KLF8: variants seen among roughly 807,000 people sequenced by gnomAD.
KLF8 encodes the protein Krueppel-like factor 8.
In KLF8, 10 loss-of-function variants were observed where a neutral mutation model predicts 18.2. The observed-to-expected ratio is 0.55, with a 90% CI of 0.34 to 0.93. The LOEUF (loss-of-function observed/expected upper bound fraction) is 0.93, where lower values mean the gene tolerates loss of function less well. Among genes scored for constraint, KLF8 ranks in the 40% least tolerant of loss-of-function variants. KLF8 has a pLI of 0.02. For missense variants in KLF8, 264 were observed against 277.9 expected, an observed-to-expected ratio of 0.95 and a Z score of 0.36; for synonymous variants, 109 against 97.3, an observed-to-expected ratio of 1.12 and a Z score of -0.71.
chrX:56,207,086 T>A, the KLF8 span, among the ~76,000 whole-genome samples: 2 of 112,345 alleles, frequency 1.8e-5, no homozygotes, highest in Non-Finnish European at 3.8e-5. Flanking sequence ...ACACAATGCA[T>A]CAAGTCCCGA....
At chrX:56,037,702 G>T in the KLF8 span, among the ~76,000 whole-genome samples, 1 of 109,134 alleles carries the variant, frequency 9.2e-6, no homozygotes, top group Non-Finnish European at 1.9e-5. Flanking sequence ...CATAGTAGGT[G>T]TATATATTTA....
chrX:56,186,104 C>T, the KLF8 span, among the ~76,000 whole-genome samples: 1 of 111,990 alleles, frequency 8.9e-6, no homozygotes, highest in African/African-American at 3.3e-5. Flanking sequence ...AGTCAAGACC[C>T]ATCAGTATGC....
chrX:56,190,054 A>C, the KLF8 span, among the ~76,000 whole-genome samples: 1 of 110,676 alleles, frequency 9.0e-6, no homozygotes, highest in African/African-American at 3.3e-5. Flanking sequence ...AAAATAAAAA[A>C]TCTGGACCTA....
the KLF8 span, among the ~76,000 whole-genome samples, chrX:56,078,358 C>T: frequency 2.7e-5 from 3 of 112,019 alleles, no homozygotes; most frequent in East Asian, 5.6e-4. Context: ...TGAAGTGCTG[C>T]TGAATTTTGT....
chrX:56,141,285 A>G, the KLF8 span, among the ~76,000 whole-genome samples: 2 of 111,864 alleles, frequency 1.8e-5, no homozygotes, highest in African/African-American at 6.5e-5. Context: ...CTAACAGTTA[A>G]TTAAAGTTAA....
chrX:55,969,228 TA>T, the KLF8 span, among the ~76,000 whole-genome samples: 1 of 112,019 alleles, frequency 8.9e-6, no homozygotes, highest in African/African-American at 3.2e-5. Context: ...TTAAAACATT[TA>T]AAAATTGAGA....
At chrX:56,022,489 C>T in the KLF8 span, among the ~76,000 whole-genome samples, 8 of 93,919 alleles carry the variant, frequency 8.5e-5, no homozygotes, top group East Asian at 3.5e-4. Flanking sequence ...GCAGAGCTTG[C>T]GGTGAGCCGA....
the KLF8 span, among the ~76,000 whole-genome samples, chrX:55,946,106 T>G: frequency 2.7e-5 from 3 of 111,602 alleles, no homozygotes; most frequent in African/African-American, 6.5e-5. Flanking sequence ...AGCTACCAAT[T>G]ACTTTCTTTA....
At chrX:56,032,065 G>A in the KLF8 span, among the ~76,000 whole-genome samples, 1 of 111,085 alleles carries the variant, frequency 9.0e-6, no homozygotes, top group Admixed American at 9.5e-5. Context: ...GTTAGGTCAC[G>A]AAGGCCCAGA....
the KLF8 span, among the ~76,000 whole-genome samples, chrX:55,984,301 C>T: frequency 6.3e-5 from 7 of 110,344 alleles, no homozygotes; most frequent in East Asian, 2.0e-3. Context: ...TAACAGGTCC[C>T]CACGTTTCCG....
the KLF8 span, among the ~76,000 whole-genome samples, chrX:56,146,729 G>A: frequency 1.8e-5 from 2 of 108,925 alleles, no homozygotes; most frequent in Non-Finnish European, 3.8e-5. Flanking sequence ...AAAAAAAGAA[G>A]AAGAAGAGAA....
chrX:56,033,878 A>C, the KLF8 span, among the ~76,000 whole-genome samples: 1 of 112,288 alleles, frequency 8.9e-6, no homozygotes, highest in Admixed American at 9.4e-5. Context: ...ATTTGTTTGA[A>C]TACCTTACAT....
chrX:56,111,359 G>T, the KLF8 span, among the ~76,000 whole-genome samples: 1 of 111,502 alleles, frequency 9.0e-6, no homozygotes. Context: ...TGGCCTTCTG[G>T]ATGTGTAGAT....
At position 56,233,265 on chromosome X, in the gene KLF8, A is replaced by G. The variant is rs1299377998; in HGVS notation, c.-70A>G. On this transcript the variant is annotated 5_prime_UTR_variant, in exon 1 of 6. Transcript: ENST00000468660. ...TGAGGGGAACAGCTCTCTTGCGATC[A>G]GCTCAGGAGTATGAGCCTCCCGGAG... 8.4e-7 allele frequency: 1 copy of G among 1,188,027 alleles called. No individual in the cohort carries two copies. The highest frequency in any genetic ancestry group is 3.0e-5 in the East Asian group (1 of 33,644).
At chrX:55,936,756 C>T in the KLF8 span, among the ~76,000 whole-genome samples, 6 of 111,554 alleles carry the variant, frequency 5.4e-5, no homozygotes, top group Admixed American at 9.5e-5. Flanking sequence ...GAGAGTCCTA[C>T]GCCCATGGAT....
chrX:56,149,707 T>C, the KLF8 span, among the ~76,000 whole-genome samples: 6 of 111,741 alleles, frequency 5.4e-5, no homozygotes, highest in African/African-American at 2.0e-4. Context: ...AATTGAGTTA[T>C]TTGCTAATGT....
At chrX:56,033,284 T>C in the KLF8 span, among the ~76,000 whole-genome samples, 1 of 111,831 alleles carries the variant, frequency 8.9e-6, no homozygotes, top group South Asian at 3.7e-4. Flanking sequence ...TTTTTCTTTA[T>C]GTGGCTGGCA....
chrX:56,022,907 G>T, the KLF8 span, among the ~76,000 whole-genome samples: 1 of 111,097 alleles, frequency 9.0e-6, no homozygotes, highest in African/African-American at 3.3e-5. Flanking sequence ...GAAATAATCA[G>T]AGAAAATTAT....
the KLF8 span, among the ~76,000 whole-genome samples, chrX:56,058,650 G>A: frequency 8.2e-5 from 9 of 109,299 alleles, no homozygotes; most frequent in Admixed American, 4.9e-4. Flanking sequence ...ATGGTTTTGA[G>A]CTTCATCCCT....
Sources: allele counts gnomAD v4.1 joint callset (sites outside exome capture counted in the v4.1 genomes callset), GRCh38; gene constraint gnomAD v4.1.1; transcripts MANE v1.5; gene names NCBI Gene and HGNC (gene_info 2026-07-23, HGNC 2026-07-21).